NAALADL2: variants seen among roughly 807,000 people sequenced by gnomAD.
The protein encoded by NAALADL2 is N-acetylated alpha-linked acidic dipeptidase like 2, also known as inactive N-acetylated-alpha-linked acidic dipeptidase-like protein 2.
NAALADL2 carries 76 observed loss-of-function variants against 87.2 expected under a neutral mutation model. The observed-to-expected ratio is 0.87, with a 90% CI of 0.72 to 1.05. The LOEUF is 1.05. Ranked by LOEUF, NAALADL2 falls within the 50% of genes least tolerant of loss-of-function variation. The pLI, the probability that NAALADL2 is intolerant of heterozygous loss-of-function variation, is 0.00. For synonymous variants in NAALADL2, 354 were observed against 331.0 expected, an observed-to-expected ratio of 1.07 and a Z score of -0.75; for missense variants, 1,089 against 945.8, an observed-to-expected ratio of 1.15 and a Z score of -1.99.
Position 175,582,218 on chromosome 3 carries a change from TA to T in NAALADL2, c.1800+6043del, listed in dbSNP as rs558758035. Among the ~76,000 whole-genome samples the T allele has an allele frequency of 4.0e-3, 544 of 135,506 alleles. 1 individual carries two copies. The highest frequency in any genetic ancestry group is 6.9e-3 in the African/African-American group (255 of 37,106). 88.9% of individuals were successfully genotyped at this position (135,506 alleles called of 152,430 possible). A position where few individuals can be genotyped will look rare whatever the true frequency, so the allele number is the denominator to read the frequency against. ...AGAAGTTGAAATATGAGACAAATAC[TA>T]AAAAAAAAAAAGAAGAATGGAGAAT... On this transcript the variant is annotated intron_variant, in intron 10 of 13. Coordinates refer to ENST00000454872, the MANE Select transcript of NAALADL2 (RefSeq NM_207015.3).
chr3:175,603,497 C>G (rs539409288), intron 10 of NAALADL2, among the ~76,000 whole-genome samples: 1 of 152,146 alleles, frequency 6.6e-6, no homozygotes, highest in Non-Finnish European at 1.5e-5. Flanking sequence ...CAGGCCCTGA[C>G]AACCACCTGT....
chr3:174,443,130 T>C (rs1157615715), intron 1 of NAALADL2, among the ~76,000 whole-genome samples: 3 of 152,204 alleles, frequency 2.0e-5, no homozygotes, highest in Non-Finnish European at 2.9e-5. Flanking sequence ...TTGGAGCCTT[T>C]TGACAAGAGG....
intron 3 of NAALADL2, among the ~76,000 whole-genome samples, chr3:175,239,856 T>C (rs1425211558): frequency 6.6e-6 from 1 of 152,116 alleles, no homozygotes; most frequent in African/African-American, 2.4e-5. Context: ...ACTTTAACGT[T>C]TTTTGTGGGG....
intron 4 of NAALADL2, among the ~76,000 whole-genome samples, chr3:175,302,426 G>A (rs548171864): frequency 4.9e-4 from 74 of 152,170 alleles, no homozygotes; most frequent in African/African-American, 1.6e-3. Flanking sequence ...TGATTCATCT[G>A]GCACTCTAGT....
At chr3:175,206,096 G>A (rs1740794986) in intron 2 of NAALADL2, among the ~76,000 whole-genome samples, 1 of 151,518 alleles carries the variant, frequency 6.6e-6, no homozygotes, top group South Asian at 2.1e-4. Context: ...CCACTACTAA[G>A]TATCTACCCA....
At chr3:174,529,369 T>G (rs534073171) in intron 1 of NAALADL2, among the ~76,000 whole-genome samples, 174 of 152,328 alleles carry the variant, frequency 1.1e-3, no homozygotes, top group African/African-American at 4.0e-3. Context: ...GGGTAAAGCC[T>G]CCTTCCCTGC....
chr3:175,735,724 A>G (rs1402261387), intron 11 of NAALADL2, among the ~76,000 whole-genome samples: 1 of 152,168 alleles, frequency 6.6e-6, no homozygotes, highest in African/African-American at 2.4e-5. Context: ...GTCATCTATT[A>G]CCAGGTCCCT....
intron 5 of NAALADL2, among the ~76,000 whole-genome samples, chr3:175,357,732 G>A (rs75136715): frequency 0.022 from 3,304 of 152,226 alleles, 121 homozygotes; most frequent in African/African-American, 0.075. Context: ...TCTTCTTTGC[G>A]TAAAAAATTG....
At chr3:175,003,198 G>A (rs1051826531) in intron 1 of NAALADL2, among the ~76,000 whole-genome samples, 1 of 152,130 alleles carries the variant, frequency 6.6e-6, no homozygotes, top group African/African-American at 2.4e-5. Context: ...ATTCAACGAT[G>A]TGTCCAGGGT....
At chr3:175,432,499 TTTTAGTC>T (rs1313718967) in intron 5 of NAALADL2, among the ~76,000 whole-genome samples, 1 of 152,040 alleles carries the variant, frequency 6.6e-6, no homozygotes, top group Non-Finnish European at 1.5e-5. Flanking sequence ...GACTCTATAA[TTTTAGTC>T]TTAATCAACA....
intron 2 of NAALADL2, among the ~76,000 whole-genome samples, chr3:174,725,091 C>T (rs569998380): frequency 3.3e-5 from 5 of 152,264 alleles, no homozygotes; most frequent in Admixed American, 6.5e-5. Flanking sequence ...TTCCTCACCC[C>T]CCAAAGGAAC....
chr3:175,346,125 AATTGTATTAT>A (rs1418224237), intron 5 of NAALADL2, among the ~76,000 whole-genome samples: 1 of 152,152 alleles, frequency 6.6e-6, no homozygotes, highest in Non-Finnish European at 1.5e-5. Context: ...ATCTCAGTGT[AATTGTATTAT>A]ATTTTTCTGA....
intron 1 of NAALADL2, among the ~76,000 whole-genome samples, chr3:175,086,554 A>T (rs112313253): frequency 6.6e-6 from 1 of 152,204 alleles, no homozygotes; most frequent in Non-Finnish European, 1.5e-5. Flanking sequence ...AAAGATGTCA[A>T]TTATATAAAA....
At chr3:174,993,332 C>T (rs1050459405) in intron 1 of NAALADL2, among the ~76,000 whole-genome samples, 2 of 152,042 alleles carry the variant, frequency 1.3e-5, no homozygotes, top group African/African-American at 4.8e-5. Flanking sequence ...CACCATGTTC[C>T]CCCTGGTTAT....
intron 2 of NAALADL2, among the ~76,000 whole-genome samples, chr3:174,574,576 ATACTT>A (rs370395480): frequency 1.4e-3 from 214 of 152,292 alleles, no homozygotes; most frequent in African/African-American, 4.8e-3. Context: ...TAAGTGAACT[ATACTT>A]TATAGTTATA....
chr3:175,387,095 T>C (rs1317504181), intron 5 of NAALADL2, among the ~76,000 whole-genome samples: 1 of 152,106 alleles, frequency 6.6e-6, no homozygotes, highest in Non-Finnish European at 1.5e-5. Flanking sequence ...TTTTGCTTTG[T>C]ACTTCAAACT....
intron 2 of NAALADL2, among the ~76,000 whole-genome samples, chr3:175,171,805 TAGAA>T (rs774768195): frequency 2.7e-4 from 41 of 152,070 alleles, no homozygotes; most frequent in Non-Finnish European, 7.4e-5. Flanking sequence ...AAGCCAGACT[TAGAA>T]AGACAAATTT....
chr3:174,477,494 A>C (rs1299785219), intron 1 of NAALADL2, among the ~76,000 whole-genome samples: 5 of 152,188 alleles, frequency 3.3e-5, no homozygotes, highest in South Asian at 2.1e-4. Context: ...AGAGACTGAC[A>C]ACTTAGAATC....
At chr3:174,754,016 A>T (rs1711625576) in intron 3 of NAALADL2, among the ~76,000 whole-genome samples, 1 of 152,190 alleles carries the variant, frequency 6.6e-6, no homozygotes. Context: ...CCAGATCTCA[A>T]CTTTTATCCT....
Sources: allele counts gnomAD v4.1 joint callset (sites outside exome capture counted in the v4.1 genomes callset), GRCh38; gene constraint gnomAD v4.1.1; transcripts MANE v1.5; gene names NCBI Gene and HGNC (gene_info 2026-07-23, HGNC 2026-07-21).